FGF10: variants seen among roughly 807,000 people sequenced by gnomAD.
FGF10 encodes fibroblast growth factor 10.
In FGF10, 2 loss-of-function variants were observed where a neutral mutation model predicts 19.8. The observed-to-expected ratio is 0.10, with a 90% CI of 0.04 to 0.32. The LOEUF (loss-of-function observed/expected upper bound fraction) is 0.32, where lower values mean the gene tolerates loss of function less well. FGF10 is among the 10% of genes least tolerant of loss of function. The probability of loss-of-function intolerance (pLI) is 1.00; values close to 1 mark genes in which losing one functional copy is unlikely to be tolerated. For missense variants in FGF10, 191 were observed against 246.3 expected (o/e 0.78, Z 1.50); for synonymous variants, 112 against 94.0 (o/e 1.19, Z -1.10).
intron 1 of FGF10, among the ~76,000 whole-genome samples, chr5:44,311,536 A>C (rs1740211254): frequency 6.6e-6 from 1 of 152,006 alleles, no homozygotes; most frequent in African/African-American, 2.4e-5. Flanking sequence ...GTGTCCCATG[A>C]CTCAATTTTA....
intron 1 of FGF10, among the ~76,000 whole-genome samples, chr5:44,388,093 G>C (rs1027461236): frequency 6.6e-6 from 1 of 151,650 alleles, no homozygotes. Context: ...TGCGTGGTCC[G>C]GCTAGTGACA....
At chr5:44,361,074 C>T (rs1408768047) in intron 1 of FGF10, among the ~76,000 whole-genome samples, 1 of 151,622 alleles carries the variant, frequency 6.6e-6, no homozygotes, top group East Asian at 1.9e-4. Flanking sequence ...TTAAAAGGTA[C>T]TCTGTATACT....
intron 1 of FGF10, among the ~76,000 whole-genome samples, chr5:44,326,508 C>T (rs1423089235): frequency 6.6e-6 from 1 of 152,070 alleles, no homozygotes; most frequent in Non-Finnish European, 1.5e-5. Context: ...AAGCGATCCT[C>T]CCAACTCTGC....
chr5:44,318,041 C>T (rs922670266), intron 1 of FGF10, among the ~76,000 whole-genome samples: 3 of 152,088 alleles, frequency 2.0e-5, no homozygotes, highest in Non-Finnish European at 4.4e-5. Flanking sequence ...GAGATAGAAA[C>T]TCTACCCTTA....
chr5:44,327,036 TC>T (rs1740630290), intron 1 of FGF10, among the ~76,000 whole-genome samples: 1 of 152,108 alleles, frequency 6.6e-6, no homozygotes, highest in African/African-American at 2.4e-5. Context: ...CAGAAGCCCT[TC>T]CAGGGTAGGC....
chr5:44,369,299 T>C (rs1313467035), intron 1 of FGF10, among the ~76,000 whole-genome samples: 1 of 152,094 alleles, frequency 6.6e-6, no homozygotes, highest in Non-Finnish European at 1.5e-5. Context: ...ATTAAAGAAC[T>C]CTTTGAGTTC....
At chr5:44,371,772 A>C (rs1203682596) in intron 1 of FGF10, among the ~76,000 whole-genome samples, 1 of 152,146 alleles carries the variant, frequency 6.6e-6, no homozygotes, top group East Asian at 1.9e-4. Context: ...GATTCAACTA[A>C]AATTTGAGGT....
chr5:44,341,935 A>C (rs890116496), intron 1 of FGF10, among the ~76,000 whole-genome samples: 1 of 152,030 alleles, frequency 6.6e-6, no homozygotes, highest in Non-Finnish European at 1.5e-5. Flanking sequence ...CTAAATTCCA[A>C]CTAATCTTGT....
At chr5:44,323,894 G>A (rs923827028) in intron 1 of FGF10, among the ~76,000 whole-genome samples, 3 of 152,050 alleles carry the variant, frequency 2.0e-5, no homozygotes, top group Admixed American at 1.3e-4. Flanking sequence ...GATGGGTAAG[G>A]GACACATTTT....
intron 1 of FGF10, among the ~76,000 whole-genome samples, chr5:44,384,156 A>C (rs1020589022): frequency 6.6e-6 from 1 of 152,120 alleles, no homozygotes; most frequent in African/African-American, 2.4e-5. Context: ...CAATCAAATT[A>C]TTTTATTACA....
chr5:44,388,687 C>T lies in FGF10; in HGVS notation c.-5G>A. ...TGTCAGTATCCATTTCCACATTGTA[C>T]TGAAACTCTCGGCACTGGAAATTGT... On this transcript the variant is annotated 5_prime_UTR_variant, in exon 1 of 3. Coordinates refer to ENST00000264664, the MANE Select transcript of FGF10 (RefSeq NM_004465.2). The T allele has an allele frequency of 1.2e-6, 2 of 1,613,936 alleles. No homozygotes were observed. Among genetic ancestry groups the T allele is most frequent in the Non-Finnish European group, 1.7e-6 (2 of 1,179,944 alleles).
intron 1 of FGF10, among the ~76,000 whole-genome samples, chr5:44,337,502 C>T (rs1331112754): frequency 6.6e-6 from 1 of 152,094 alleles, no homozygotes; most frequent in Admixed American, 6.6e-5. Flanking sequence ...GATAGAACTG[C>T]CTAGCTAAAA....
chr5:44,366,911 A>G (rs1336425153), intron 1 of FGF10, among the ~76,000 whole-genome samples: 2 of 152,076 alleles, frequency 1.3e-5, no homozygotes, highest in South Asian at 2.1e-4. Context: ...AAGATTAAAT[A>G]AAGAAGAAAA....
At chr5:44,356,480 A>G (rs1013813160) in intron 1 of FGF10, among the ~76,000 whole-genome samples, 2 of 151,460 alleles carry the variant, frequency 1.3e-5, no homozygotes, top group Admixed American at 6.6e-5. Context: ...CAACATTTGG[A>G]TAATGACAAT....
chr5:44,318,879 A>T (rs927831348), intron 1 of FGF10, among the ~76,000 whole-genome samples: 3 of 152,230 alleles, frequency 2.0e-5, no homozygotes, highest in Non-Finnish European at 4.4e-5. Flanking sequence ...TACTAAATTT[A>T]AAAAATACTT....
intron 1 of FGF10, among the ~76,000 whole-genome samples, chr5:44,345,697 A>G (rs1038519563): frequency 1.3e-5 from 2 of 150,662 alleles, no homozygotes; most frequent in Non-Finnish European, 3.0e-5. Flanking sequence ...ATGCTGCTCA[A>G]TTTCAACTGT....
chr5:44,330,310 T>C (rs910155500), intron 1 of FGF10, among the ~76,000 whole-genome samples: 1 of 152,206 alleles, frequency 6.6e-6, no homozygotes, highest in African/African-American at 2.4e-5. Flanking sequence ...TTATAAGGTC[T>C]CAATGTCTAA....
Position 44,389,124 on chromosome 5 carries a change from T to A in FGF10, c.-442A>T, listed in dbSNP as rs985013308. 1 of 280,026 alleles carries A rather than the reference T, an allele frequency of 3.6e-6. No homozygotes were observed. Among genetic ancestry groups the A allele is most frequent in the African/African-American group, 2.2e-5 (1 of 45,960 alleles). 17.3% of individuals were successfully genotyped at this position (280,026 alleles called of 1,614,324 possible). Reference sequence around the variant, plus strand: ...GTGGGGTGGGGAATAGGGGGAGATATCTGCACCCCTCTGCGGTTGGCACCT... The same window carrying A: ...GTGGGGTGGGGAATAGGGGGAGATAACTGCACCCCTCTGCGGTTGGCACCT... On this transcript the variant is annotated 5_prime_UTR_variant, in exon 1 of 3. Transcript: ENST00000264664.
chr5:44,388,647 G>T lies in FGF10; in HGVS notation c.36C>A (p.Ala12=). 6.2e-7 allele frequency: 1 copy of T among 1,614,128 alleles called. No individual in the cohort carries two copies. Among genetic ancestry groups the T allele is most frequent in the Non-Finnish European group, 8.5e-7 (1 of 1,180,018 alleles). The part of the protein sequence containing the change: ...WKWILTHCAS[A]FPHLPGCCCC... The stretch of plus-strand genomic sequence containing the variant: ...AGCAGCAGCCGGGCAGGTGGGGAAA[G>T]GCTGAGGCACAATGTGTCAGTATCC... The change falls in exon 1 of 3, where the codon GCC becomes GCA. Residue 12 remains alanine, a synonymous_variant. Transcript: ENST00000264664.
Sources: allele counts gnomAD v4.1 joint callset (sites outside exome capture counted in the v4.1 genomes callset), GRCh38; gene constraint gnomAD v4.1.1; transcripts MANE v1.5; gene names NCBI Gene and HGNC (gene_info 2026-07-23, HGNC 2026-07-21).